ROPN1L: variants seen among roughly 807,000 people sequenced by gnomAD.
ROPN1L encodes rhophilin associated tail protein 1 like, also known as ropporin-1-like protein.
In ROPN1L, 23 loss-of-function variants were observed where a neutral mutation model predicts 22.7. That is an observed-to-expected ratio of 1.01 (90% CI 0.73 to 1.43). ROPN1L has a LOEUF of 1.43. ROPN1L is among the 40% of genes most tolerant of loss of function. The pLI, the probability that ROPN1L is intolerant of heterozygous loss-of-function variation, is 0.00. For missense variants in ROPN1L, 271 were observed against 291.5 expected (o/e 0.93, Z 0.51); for synonymous variants, 116 against 117.8 (o/e 0.98, Z 0.10).
downstream of ROPN1L, among the ~76,000 whole-genome samples, chr5:10,473,977 C>G (rs1735285266): frequency 6.6e-6 from 1 of 151,952 alleles, no homozygotes; most frequent in African/African-American, 2.4e-5. Context: ...CATGGCAAAT[C>G]CCCGTCTCTA....
chr5:10,478,187 C>G, the ROPN1L span: 17 of 152,276 alleles, frequency 1.1e-4, no homozygotes, highest in African/African-American at 3.6e-4. Context: ...CACTGTGTGT[C>G]TACTGGGATG....
At chr5:10,456,500 CAAAA>C (rs1238098341) in intron 3 of ROPN1L, among the ~76,000 whole-genome samples, 1 of 152,062 alleles carries the variant, frequency 6.6e-6, no homozygotes, top group Non-Finnish European at 1.5e-5. Flanking sequence ...AAAAAACAAA[CAAAA>C]AAATAAGTGC....
At chr5:10,482,424 G>A in the ROPN1L span, 1 of 152,142 alleles carries the variant, frequency 6.6e-6, no homozygotes, top group African/African-American at 2.4e-5. Context: ...AAGCGGATCA[G>A]AAAAACAAAA....
intron 3 of ROPN1L, among the ~76,000 whole-genome samples, chr5:10,452,615 G>A (rs942738923): frequency 6.6e-6 from 1 of 152,070 alleles, no homozygotes; most frequent in Non-Finnish European, 1.5e-5. Flanking sequence ...TGGGATTACA[G>A]GTGTGAGCCA....
intron 3 of ROPN1L, among the ~76,000 whole-genome samples, chr5:10,456,374 G>C (rs186369410): frequency 5.9e-5 from 9 of 152,322 alleles, no homozygotes; most frequent in African/African-American, 2.2e-4. Context: ...TGTAACCCCA[G>C]CTATTCAGGA....
chr5:10,458,038 T>C (rs1734883550), intron 3 of ROPN1L, among the ~76,000 whole-genome samples: 1 of 151,994 alleles, frequency 6.6e-6, no homozygotes, highest in South Asian at 2.1e-4. Flanking sequence ...AGCGATGTGG[T>C]GTAAATACTC....
At chr5:10,467,441 T>A (rs1024258581), downstream of ROPN1L, among the ~76,000 whole-genome samples, 3 of 152,090 alleles carry the variant, frequency 2.0e-5, no homozygotes, top group African/African-American at 7.2e-5. Context: ...ACAGAGGCAG[T>A]CTGTGGTCTG....
chr5:10,452,966 C>A (rs890616834), intron 3 of ROPN1L, among the ~76,000 whole-genome samples: 1 of 152,202 alleles, frequency 6.6e-6, no homozygotes, highest in Non-Finnish European at 1.5e-5. Flanking sequence ...AGCACACATT[C>A]TTTTGGGTTC....
chr5:10,445,485 G>T (rs962651999), intron 1 of ROPN1L, among the ~76,000 whole-genome samples: 1 of 152,196 alleles, frequency 6.6e-6, no homozygotes, highest in African/African-American at 2.4e-5. Flanking sequence ...GAGAGATTTT[G>T]TAGGCAGAGA....
chr5:10,445,029 C>T (rs1341935493), intron 1 of ROPN1L, among the ~76,000 whole-genome samples: 1 of 152,048 alleles, frequency 6.6e-6, no homozygotes, highest in Non-Finnish European at 1.5e-5. Context: ...GGCTGGAGTG[C>T]ACTGGTGCTA....
chr5:10,442,956 G>GC (rs1740933221), intron 1 of ROPN1L, among the ~76,000 whole-genome samples: 1 of 152,238 alleles, frequency 6.6e-6, no homozygotes. Context: ...TTACAGGAGA[G>GC]CTCTTTGCCC....
At chr5:10,444,038 C>G (rs753476625) in intron 1 of ROPN1L, among the ~76,000 whole-genome samples, 16 of 152,156 alleles carry the variant, frequency 1.1e-4, no homozygotes, top group African/African-American at 2.9e-4. Flanking sequence ...TTTTACCCAC[C>G]AACTGAGCTA....
downstream of ROPN1L, among the ~76,000 whole-genome samples, chr5:10,476,223 A>T (rs1407556656): frequency 2.0e-5 from 3 of 152,196 alleles, no homozygotes; most frequent in Admixed American, 2.0e-4. Flanking sequence ...GCAACTTTCA[A>T]TGTCCCCAAC....
downstream of ROPN1L, among the ~76,000 whole-genome samples, chr5:10,468,630 TA>T (rs1291510738): frequency 6.6e-6 from 1 of 152,230 alleles, no homozygotes; most frequent in Non-Finnish European, 1.5e-5. Context: ...AGATGTTGAA[TA>T]AAATAAACTG....
Position 10,449,996 on chromosome 5 carries a change from G to A in ROPN1L, c.300G>A (p.Lys100=). The change falls in exon 3 of 5, where the codon AAG becomes AAA. Residue 100 remains lysine, a synonymous_variant. Coordinates refer to ENST00000274134, the MANE Select transcript of ROPN1L (RefSeq NM_031916.5). ...RYVELTDLEQ[K]WKNLCLPKEK... Reference sequence around the variant, plus strand: ...TGGAATTAACAGATCTTGAGCAGAAGTGGAAGAACTTGTGCCTGCCGAAGG... The same window carrying A: ...TGGAATTAACAGATCTTGAGCAGAAATGGAAGAACTTGTGCCTGCCGAAGG... 4 of 1,614,036 alleles carry A rather than the reference G, an allele frequency of 2.5e-6. No individual in the cohort carries two copies. In the South Asian group the frequency reaches 4.4e-5, roughly 18 times the overall value.
chr5:10,466,586 G>C (rs920510281), downstream of ROPN1L, among the ~76,000 whole-genome samples: 1 of 152,160 alleles, frequency 6.6e-6, no homozygotes, highest in African/African-American at 2.4e-5. Context: ...AATCAAAAAG[G>C]CATGTGGTGT....
chr5:10,456,759 T>C (rs981554068), intron 3 of ROPN1L, among the ~76,000 whole-genome samples: 7 of 152,210 alleles, frequency 4.6e-5, no homozygotes, highest in Admixed American at 1.3e-4. Context: ...GATCTTATTG[T>C]CAGAAACGTT....
rs761103766 is a variant in ROPN1L, at chr5:10,464,831, ATCT to A, written c.594-16_594-14del. Reference sequence around the variant, plus strand: ...TGAGAAATTACCAATAAATATCTTTATCTGTTTCCAATTTAGAGACGCCAGGAA... The same window carrying A: ...TGAGAAATTACCAATAAATATCTTTAGTTTCCAATTTAGAGACGCCAGGAA... On this transcript the variant is annotated splice_polypyrimidine_tract_variant and intron_variant, in intron 4 of 4. Coordinates refer to ENST00000274134, the MANE Select transcript of ROPN1L (RefSeq NM_031916.5). 2 of 1,468,526 alleles carry A rather than the reference ATCT, an allele frequency of 1.4e-6. No homozygotes were observed. Among genetic ancestry groups the A allele is most frequent in the Non-Finnish European group, 9.4e-7 (1 of 1,069,454 alleles). 91.0% of individuals were successfully genotyped at this position (1,468,526 alleles called of 1,614,324 possible). A position where few individuals can be genotyped will look rare whatever the true frequency, so the allele number is the denominator to read the frequency against.
At chr5:10,451,561 A>G (rs1002983928) in intron 3 of ROPN1L, among the ~76,000 whole-genome samples, 15 of 152,260 alleles carry the variant, frequency 9.9e-5, no homozygotes, top group African/African-American at 2.9e-4. Context: ...TCATCTGTAC[A>G]TCACAGGCCA....
Sources: allele counts gnomAD v4.1 joint callset (sites outside exome capture counted in the v4.1 genomes callset), GRCh38; gene constraint gnomAD v4.1.1; transcripts MANE v1.5; gene names NCBI Gene and HGNC (gene_info 2026-07-23, HGNC 2026-07-21).